Variants in SLX9 observed in about 807,000 individuals in gnomAD.
SLX9 encodes ribosome biogenesis protein SLX9 homolog.
A neutral mutation model predicts 20.8 loss-of-function variants in SLX9; 19 were observed. The ratio of observed to expected loss-of-function variants is 0.91; its 90% CI spans 0.64 to 1.34. The LOEUF is 1.34. Among genes scored for constraint, SLX9 ranks in the 40% most tolerant of loss-of-function variants. SLX9 has a pLI of 0.00. For synonymous variants in SLX9, 113 were observed against 137.1 expected, an observed-to-expected ratio of 0.82 and a Z score of 1.23; for missense variants, 299 against 322.2, an observed-to-expected ratio of 0.93 and a Z score of 0.55.
chr21:44,955,474 C>G (rs936768584), intron 2 of SLX9, among the ~76,000 whole-genome samples: 2 of 152,202 alleles, frequency 1.3e-5, no homozygotes, highest in African/African-American at 4.8e-5. Flanking sequence ...TGCCAACTAC[C>G]GTTAAGTGAC....
intron 2 of SLX9, among the ~76,000 whole-genome samples, chr21:44,945,006 G>A (rs751717652): frequency 4.6e-5 from 7 of 152,250 alleles, no homozygotes; most frequent in African/African-American, 1.7e-4. Context: ...TCTGTTGAAC[G>A]AGGCTGGTCT....
In SLX9 at chr21:44,960,125, CAAG is replaced by C. The variant is rs2084927807; in HGVS notation, c.313_315del (p.Lys105del). 1.9e-6 allele frequency: 3 copies of C among 1,614,090 alleles called. No homozygotes were observed. The highest frequency in any genetic ancestry group is 2.2e-5 in the South Asian group (2 of 91,090). ...GTGCAGAGGCCAAGACCGTTTTGCC[CAAG>C]AAGGAGAAAATGAAGCTGAGGCGTG... is the stretch of plus-strand genomic sequence containing the variant. On this transcript the variant is annotated inframe_deletion, in exon 3 of 6. Transcript: ENST00000291634.
intron 4 of SLX9, among the ~76,000 whole-genome samples, chr21:44,967,904 G>A (rs138022358): frequency 7.2e-5 from 11 of 152,292 alleles, no homozygotes; most frequent in Non-Finnish European, 1.3e-4. Context: ...ATGCCTCCCA[G>A]CCTCACCACG....
chr21:44,964,167 GT>G (rs1403324935), intron 3 of SLX9, among the ~76,000 whole-genome samples: 1 of 152,142 alleles, frequency 6.6e-6, no homozygotes, highest in African/African-American at 2.4e-5. Flanking sequence ...CATAAATGCA[GT>G]TTTTTCTCAG....
intron 3 of SLX9, among the ~76,000 whole-genome samples, chr21:44,961,912 AT>A (rs1395325385): frequency 1.3e-5 from 2 of 152,190 alleles, no homozygotes; most frequent in African/African-American, 4.8e-5. Flanking sequence ...CTTTAGCTAC[AT>A]TTCCCAAGTT....
At chr21:44,942,777 A>T (rs1883072) in intron 1 of SLX9, among the ~76,000 whole-genome samples, 104 of 152,178 alleles carry the variant, frequency 6.8e-4, no homozygotes, top group Non-Finnish European at 1.2e-3. Flanking sequence ...ACTAAACCAC[A>T]TGGGGAGGCT....
intron 3 of SLX9, among the ~76,000 whole-genome samples, chr21:44,960,474 G>A (rs1234877234): frequency 6.6e-6 from 1 of 152,270 alleles, no homozygotes; most frequent in Non-Finnish European, 1.5e-5. Flanking sequence ...GACGGCCTTG[G>A]GAAGCTGCTG....
rs889401239 is a variant in SLX9 at position 44,943,623 on chromosome 21, C to G, written c.130-61C>G. 6 of 1,595,500 alleles carry G rather than the reference C, an allele frequency of 3.8e-6. No individual in the cohort carries two copies. The Admixed American group carries it at 5.0e-5, about 13-fold the overall frequency. ...TCTTCTCCTCACCTTTAACGTCCCT[C>G]TGAAACCACAGAGCAAGTCTCACAC... On this transcript the variant is annotated intron_variant, in intron 1 of 5. Coordinates refer to ENST00000291634, the MANE Select transcript of SLX9 (RefSeq NM_058190.4).
At chr21:44,952,797 T>G (rs537564212) in intron 2 of SLX9, among the ~76,000 whole-genome samples, 1 of 152,328 alleles carries the variant, frequency 6.6e-6, no homozygotes, top group East Asian at 1.9e-4. Context: ...ACCTGGCACT[T>G]GGAGCTCGGT....
Position 44,950,499 on chromosome 21 carries a change from G to A in SLX9, c.283+6662G>A, listed in dbSNP as rs977332785. Among the ~76,000 whole-genome samples, 7 of 152,334 alleles carry A rather than the reference G, an allele frequency of 4.6e-5. No homozygotes were observed. The East Asian group carries it at 9.7e-4, about 21-fold the overall frequency. The stretch of plus-strand genomic sequence containing the variant: ...GGGAGTGGTGCGCCTTCTTACCTGC[G>A]CTCCTGCAGAGAGTGTGGCCGTGCC... On this transcript the variant is annotated intron_variant, in intron 2 of 5. Coordinates refer to ENST00000291634, the MANE Select transcript of SLX9 (RefSeq NM_058190.4).
rs913535863 is a variant in SLX9, at chr21:44,948,077, G to T, written c.283+4240G>T. On this transcript the variant is annotated intron_variant, in intron 2 of 5. Coordinates refer to ENST00000291634, the MANE Select transcript of SLX9 (RefSeq NM_058190.4). ...TGTGCAATACCAGAGCCTGGCAGCC[G>T]GCCGGGTGTCCAGTGGTGGCTGATC... Among the ~76,000 whole-genome samples the T allele has an allele frequency of 2.0e-5, 3 of 152,262 alleles. No homozygotes were observed. The East Asian group carries it at 5.8e-4, about 29-fold the overall frequency.
intron 4 of SLX9, 166 bp from the exon 5 acceptor site, chr21:44,973,031 C>G: frequency 5.9e-6 from 1 of 169,544 alleles, no homozygotes; most frequent in Non-Finnish European, 8.7e-6. Flanking sequence ...GTCCAGGTCT[C>G]GCCTCCATGG....
At chr21:44,949,051 C>T (rs2084702815) in intron 2 of SLX9, among the ~76,000 whole-genome samples, 1 of 152,216 alleles carries the variant, frequency 6.6e-6, no homozygotes, top group African/African-American at 2.4e-5. Flanking sequence ...CGGGCTCTGA[C>T]AGCACCTGGG....
chr21:44,970,860 C>G (rs1326672632), intron 4 of SLX9, among the ~76,000 whole-genome samples: 1 of 152,104 alleles, frequency 6.6e-6, no homozygotes, highest in East Asian at 1.9e-4. Context: ...CCCACGGCCC[C>G]TCCCAACCCT....
At chr21:44,959,195 G>C in intron 2 of SLX9, 1 of 985,394 alleles carries the variant, frequency 1.0e-6, no homozygotes. Context: ...CTCCAGGCAG[G>C]GCTTGCTTCT....
At chr21:44,944,911 C>G (rs994133182) in intron 2 of SLX9, among the ~76,000 whole-genome samples, 2 of 152,226 alleles carry the variant, frequency 1.3e-5, no homozygotes, top group African/African-American at 4.8e-5. Context: ...CTCCTAAGTT[C>G]TGGCAGTTTT....
chr21:44,945,374 G>A (rs912665523), intron 2 of SLX9, among the ~76,000 whole-genome samples: 20 of 152,218 alleles, frequency 1.3e-4, no homozygotes, highest in African/African-American at 4.8e-4. Context: ...TGTCCCCAAG[G>A]GGATGGGAGT....
chr21:44,967,311 A>G, intron 4 of SLX9, 130 bp downstream of exon 4: 2 of 1,307,302 alleles, frequency 1.5e-6, no homozygotes, highest in East Asian at 2.6e-5. Flanking sequence ...CTGGGGCTCC[A>G]GCCGGTGCTC....
chr21:44,959,101 A>C lies in SLX9; in HGVS notation c.284-999A>C, dbSNP rs73906977. 10,118 of 555,474 alleles carry C rather than the reference A, an allele frequency of 0.018. 862 individuals are homozygous for C. In the African/African-American group the frequency reaches 0.19, roughly 10 times the overall value. 34.4% of individuals were successfully genotyped at this position (555,474 alleles called of 1,614,324 possible). ...ACCAGGAAGCTGTGGGAGGGGATTAAATCCTGCGGGAGCCCTGGGCCTTGG... is the reference window on the plus strand; with the variant it reads ...ACCAGGAAGCTGTGGGAGGGGATTACATCCTGCGGGAGCCCTGGGCCTTGG... On this transcript the variant is annotated intron_variant, in intron 2 of 5. Coordinates refer to ENST00000291634, the MANE Select transcript of SLX9 (RefSeq NM_058190.4).
Sources: gnomAD v4.1 joint callset for allele counts (sites outside exome capture counted in the v4.1 genomes callset) on GRCh38, gnomAD v4.1.1 for gene constraint, MANE v1.5 for transcripts, NCBI Gene and HGNC (gene_info 2026-07-23, HGNC 2026-07-21) for gene names.